Variants in DYNC2I2 observed in about 807,000 individuals in gnomAD.
DYNC2I2 encodes cytoplasmic dynein 2 intermediate chain 2.
Under a neutral mutation model 52.0 loss-of-function variants are expected in DYNC2I2, and 39 were observed. The ratio of observed to expected loss-of-function variants is 0.75; its 90% CI spans 0.58 to 0.98. DYNC2I2 has a LOEUF of 0.98. Among genes scored for constraint, DYNC2I2 ranks in the 50% least tolerant of loss-of-function variants. The pLI, the probability that DYNC2I2 is intolerant of heterozygous loss-of-function variation, is 0.00. For missense variants in DYNC2I2, 743 were observed against 728.4 expected (o/e 1.02, Z -0.23); for synonymous variants, 359 against 321.1 (o/e 1.12, Z -1.26).
chr9:128,644,096 G>A (rs1860568863), intron 1 of DYNC2I2, among the ~76,000 whole-genome samples: 1 of 152,122 alleles, frequency 6.6e-6, no homozygotes, highest in African/African-American at 2.4e-5. Flanking sequence ...AGTGCCAGTT[G>A]GTAAGAGCTC....
the DYNC2I2 span, among the ~76,000 whole-genome samples, chr9:128,673,504 C>CT: frequency 3.2e-3 from 453 of 140,590 alleles, 18 homozygotes; most frequent in Non-Finnish European, 4.6e-3. Context: ...ACCTCACTGG[C>CT]TATTTTTTTT....
upstream of DYNC2I2, among the ~76,000 whole-genome samples, chr9:128,657,100 G>T (rs111819913): frequency 3.3e-5 from 5 of 152,340 alleles, no homozygotes; most frequent in East Asian, 7.7e-4. Flanking sequence ...TGGGAGCGCA[G>T]ATCTGGCTGA....
the DYNC2I2 span, among the ~76,000 whole-genome samples, chr9:128,677,106 C>G: frequency 3.6e-4 from 54 of 152,030 alleles, 1 homozygote; most frequent in African/African-American, 1.3e-3. Flanking sequence ...CCTCAGCCTC[C>G]CAAAGTGCTG....
intron 1 of DYNC2I2, among the ~76,000 whole-genome samples, chr9:128,653,162 G>A (rs1860751174): frequency 6.6e-6 from 1 of 151,088 alleles, no homozygotes; most frequent in Non-Finnish European, 1.5e-5. Context: ...CCAGGAGGCG[G>A]AGGTTGCAGT....
intron 1 of DYNC2I2, among the ~76,000 whole-genome samples, chr9:128,642,087 A>C (rs992140101): frequency 6.6e-6 from 1 of 151,754 alleles, no homozygotes; most frequent in Non-Finnish European, 1.5e-5. Flanking sequence ...GGAGATCAAG[A>C]CCATCCTGGC....
the DYNC2I2 span, among the ~76,000 whole-genome samples, chr9:128,678,893 C>T: frequency 6.6e-6 from 1 of 151,966 alleles, no homozygotes; most frequent in East Asian, 2.0e-4. Context: ...CATGGTGAAA[C>T]TCTGTCTCTA....
upstream of DYNC2I2, among the ~76,000 whole-genome samples, chr9:128,661,319 A>G (rs186544863): frequency 1.3e-5 from 2 of 151,038 alleles, no homozygotes; most frequent in African/African-American, 4.9e-5. Context: ...AAAAAAAAAA[A>G]AAAACAAAAA....
At chr9:128,648,812 A>AG (rs1554772564) in intron 1 of DYNC2I2, among the ~76,000 whole-genome samples, 2,843 of 149,622 alleles carry the variant, frequency 0.019, 50 homozygotes, top group Non-Finnish European at 0.029. Flanking sequence ...AAAAAAAAAA[A>AG]AGAGAGAGAG....
At chr9:128,661,384 C>T (rs1241320275), upstream of DYNC2I2, among the ~76,000 whole-genome samples, 10 of 151,254 alleles carry the variant, frequency 6.6e-5, no homozygotes, top group Non-Finnish European at 1.5e-4. Context: ...TTTGGGAGGC[C>T]GAGGTGGGCA....
At chr9:128,648,906 G>A (rs1050165628) in intron 1 of DYNC2I2, among the ~76,000 whole-genome samples, 1 of 152,078 alleles carries the variant, frequency 6.6e-6, no homozygotes, top group Non-Finnish European at 1.5e-5. Flanking sequence ...TCAATTCTGA[G>A]GAGGGATGCA....
Position 128,640,823 on chromosome 9 carries a change from G to C in DYNC2I2, c.303C>G (p.Ser101=), listed in dbSNP as rs750021708. Residue 101 remains serine, a synonymous_variant, in exon 2 of 9, where the codon TCC becomes TCG. Coordinates refer to ENST00000372715, the MANE Select transcript of DYNC2I2 (RefSeq NM_052844.4). Reference sequence around the variant, plus strand: ...CTGCGAGCCTGGGTATGTCATACTGGGACGGGGGCTGCACGCTGACAGGCA... The same window carrying C: ...CTGCGAGCCTGGGTATGTCATACTGCGACGGGGGCTGCACGCTGACAGGCA... ...APVPVSVQPP[S]QYDIPRLAAF... is the part of the protein sequence containing the mutation. 2.5e-6 allele frequency: 4 copies of C among 1,614,110 alleles called. No individual in the cohort carries two copies. Among genetic ancestry groups the C allele is most frequent in the Non-Finnish European group, 3.4e-6 (4 of 1,180,026 alleles).
At chr9:128,648,338 T>C (rs1307560165) in intron 1 of DYNC2I2, among the ~76,000 whole-genome samples, 2 of 152,088 alleles carry the variant, frequency 1.3e-5, no homozygotes, top group African/African-American at 4.8e-5. Context: ...ACCAGTAAGG[T>C]GGAGGTTGCA....
chr9:128,647,159 T>C (rs1413826590), intron 1 of DYNC2I2, among the ~76,000 whole-genome samples: 2 of 152,102 alleles, frequency 1.3e-5, no homozygotes, highest in African/African-American at 4.8e-5. Flanking sequence ...AACAATAATA[T>C]GGCACCTGCA....
At chr9:128,639,771 T>C (rs898270362) in intron 2 of DYNC2I2, among the ~76,000 whole-genome samples, 1 of 151,884 alleles carries the variant, frequency 6.6e-6, no homozygotes, top group Non-Finnish European at 1.5e-5. Flanking sequence ...GTTAAAGTGA[T>C]TCTCCTGCCT....
chr9:128,653,550 T>TA (rs111614767), intron 1 of DYNC2I2, among the ~76,000 whole-genome samples: 2,153 of 128,178 alleles, frequency 0.017, 93 homozygotes, highest in African/African-American at 0.043. Context: ...CCACCTCTAC[T>TA]AAAAAAAAAA....
intron 1 of DYNC2I2, among the ~76,000 whole-genome samples, chr9:128,648,812 AAGAGAG>A (rs752645425): frequency 6.7e-6 from 1 of 149,534 alleles, no homozygotes; most frequent in Non-Finnish European, 1.5e-5. Context: ...AAAAAAAAAA[AAGAGAG>A]AGAGAATCTG....
chr9:128,638,527 A>C (rs1860455250), intron 2 of DYNC2I2, among the ~76,000 whole-genome samples: 1 of 150,306 alleles, frequency 6.7e-6, no homozygotes, highest in African/African-American at 2.5e-5. Context: ...AAAAAAAAAA[A>C]TGCATTTTGT....
the DYNC2I2 span, among the ~76,000 whole-genome samples, chr9:128,678,448 ATTTTTTTTTTTTTTTTT>A: frequency 2.0e-4 from 12 of 61,364 alleles, no homozygotes; most frequent in Admixed American, 6.2e-4. Context: ...ACCACAGGTA[ATTTTTTTTTTTTTTTTT>A]TTTTTTTTTT....
At chr9:128,677,456 A>T in the DYNC2I2 span, among the ~76,000 whole-genome samples, 3 of 151,654 alleles carry the variant, frequency 2.0e-5, no homozygotes, top group Admixed American at 6.6e-5. Context: ...CTGCACTCTA[A>T]CCTGGGTGAC....
Sources: gnomAD v4.1 joint callset for allele counts (sites outside exome capture counted in the v4.1 genomes callset) on GRCh38, gnomAD v4.1.1 for gene constraint, MANE v1.5 for transcripts, NCBI Gene and HGNC (gene_info 2026-07-23, HGNC 2026-07-21) for gene names.